SHANK2: variants seen among roughly 807,000 people sequenced by gnomAD.
The protein encoded by SHANK2 is SH3 and multiple ankyrin repeat domains protein 2.
SHANK2 carries 43 observed loss-of-function variants against 133.7 expected under a neutral mutation model. The ratio of observed to expected loss-of-function variants is 0.32; its 90% CI spans 0.25 to 0.41. The LOEUF (loss-of-function observed/expected upper bound fraction) is 0.41. Ranked by LOEUF, SHANK2 falls within the 10% of genes least tolerant of loss-of-function variation. The probability of loss-of-function intolerance (pLI) is 1.00; values close to 1 mark genes in which losing one functional copy is unlikely to be tolerated. For missense variants in SHANK2, 1,994 were observed against 2,235.8 expected (o/e 0.89, Z 2.18); for synonymous variants, 1,017 against 952.8 (o/e 1.07, Z -1.24).
intron 2 of SHANK2, among the ~76,000 whole-genome samples, chr11:71,183,930 G>A (rs976934299): frequency 1.8e-4 from 27 of 152,256 alleles, no homozygotes; most frequent in Middle Eastern, 3.4e-3. Context: ...CTGGTTTCGT[G>A]GCCTCCACAT....
chr11:70,794,018 T>C (rs1947853517), intron 14 of SHANK2, among the ~76,000 whole-genome samples: 1 of 152,212 alleles, frequency 6.6e-6, no homozygotes, highest in Admixed American at 6.5e-5. Flanking sequence ...TGGTGGATCA[T>C]GCCTGTAATC....
At chr11:71,088,791 T>C (rs1236652064) in intron 8 of SHANK2, among the ~76,000 whole-genome samples, 1 of 147,718 alleles carries the variant, frequency 6.8e-6, no homozygotes, top group Non-Finnish European at 1.5e-5. Flanking sequence ...TGTGGGTGAC[T>C]GCACCACCCC....
At chr11:71,089,437 G>A (rs1032186114) in intron 8 of SHANK2, among the ~76,000 whole-genome samples, 7 of 151,562 alleles carry the variant, frequency 4.6e-5, no homozygotes, top group Non-Finnish European at 8.8e-5. Context: ...ATGTACATGC[G>A]TGCGTGCGAG....
At chr11:71,225,550 A>G (rs963876892) in intron 1 of SHANK2, among the ~76,000 whole-genome samples, 6 of 152,256 alleles carry the variant, frequency 3.9e-5, no homozygotes, top group Admixed American at 2.0e-4. Context: ...AAGTTTAACT[A>G]AGACTAAAAG....
intron 17 of SHANK2, among the ~76,000 whole-genome samples, chr11:70,563,496 C>T (rs1333098365): frequency 6.6e-6 from 1 of 150,664 alleles, no homozygotes; most frequent in East Asian, 1.9e-4. Flanking sequence ...TATAGCCATG[C>T]AGCTAAGTCC....
intron 17 of SHANK2, among the ~76,000 whole-genome samples, chr11:70,514,448 T>C (rs1399627695): frequency 1.3e-5 from 2 of 152,238 alleles, no homozygotes; most frequent in Non-Finnish European, 2.9e-5. Flanking sequence ...GGTGAACACC[T>C]GGATACAAAA....
chr11:70,649,088 A>G (rs533987976), intron 17 of SHANK2, among the ~76,000 whole-genome samples: 1 of 152,056 alleles, frequency 6.6e-6, no homozygotes, highest in Admixed American at 6.5e-5. Flanking sequence ...GGCGACGTTC[A>G]TCTCCTCACT....
At chr11:71,245,179 T>G (rs1555124809) in intron 1 of SHANK2, among the ~76,000 whole-genome samples, 2 of 150,924 alleles carry the variant, frequency 1.3e-5, no homozygotes, top group Non-Finnish European at 3.0e-5. Flanking sequence ...GGGGTCTCAT[T>G]ATATTGCCTA....
chr11:70,540,781 AGAGGTTGCAGT>A (rs1554975022), intron 17 of SHANK2, among the ~76,000 whole-genome samples: 1 of 148,704 alleles, frequency 6.7e-6, no homozygotes, highest in Admixed American at 6.8e-5. Context: ...AGGCTGAGGC[AGAGGTTGCAGT>A]GAGCTGAAAT....
At chr11:71,063,872 C>G (rs929126394) in intron 9 of SHANK2, among the ~76,000 whole-genome samples, 3 of 152,190 alleles carry the variant, frequency 2.0e-5, no homozygotes, top group Non-Finnish European at 4.4e-5. Flanking sequence ...CACGAAGGAG[C>G]GTTCCTGGGG....
At chr11:71,100,662 A>G (rs1412750280) in intron 6 of SHANK2, among the ~76,000 whole-genome samples, 1 of 152,118 alleles carries the variant, frequency 6.6e-6, no homozygotes, top group Non-Finnish European at 1.5e-5. Flanking sequence ...AGGTCAGGAG[A>G]TCGAGACCAT....
Position 70,698,708 on chromosome 11 carries a change from A to G in SHANK2, c.1833T>C (p.Tyr611=), listed in dbSNP as rs1555022900. 4.2e-6 allele frequency: 3 copies of G among 718,686 alleles called. No individual in the cohort carries two copies. In the Admixed American group the frequency reaches 6.0e-5, roughly 14 times the overall value. The allele number at this position is 718,686 out of a possible 1,614,324, so 44.5% of individuals were successfully genotyped here. The part of the protein sequence containing the change: ...KLFRHYTVGS[Y]DSFDTSSDCI... ...CTTACCTGGAAGTGTCGAAGCTGTC[A>G]TAGGAGCCCACGGTGTAGTGCCTGA... is the stretch of plus-strand genomic sequence containing the variant. Residue 611 remains tyrosine, a synonymous_variant, in exon 15 of 26, where the codon TAT becomes TAC. Transcript: ENST00000601538.
At chr11:70,776,877 C>T (rs1267149406) in intron 14 of SHANK2, among the ~76,000 whole-genome samples, 1 of 151,700 alleles carries the variant, frequency 6.6e-6, no homozygotes, top group Non-Finnish European at 1.5e-5. Context: ...ATCCACCCAC[C>T]CATCCATCCA....
At chr11:70,884,757 G>A (rs377427129) in intron 11 of SHANK2, among the ~76,000 whole-genome samples, 3 of 152,164 alleles carry the variant, frequency 2.0e-5, no homozygotes, top group African/African-American at 7.2e-5. Context: ...TCTCGTTCTT[G>A]TTGCCCAGGC....
At chr11:71,195,604 T>C (rs1953888638) in intron 2 of SHANK2, among the ~76,000 whole-genome samples, 1 of 152,204 alleles carries the variant, frequency 6.6e-6, no homozygotes, top group Non-Finnish European at 1.5e-5. Context: ...AGTTTTTTCA[T>C]AGAATTTCAG....
chr11:71,128,825 G>A (rs1239717064), intron 3 of SHANK2, among the ~76,000 whole-genome samples: 6 of 152,096 alleles, frequency 3.9e-5, no homozygotes, highest in Non-Finnish European at 7.3e-5. Context: ...TCACTCTTTC[G>A]CCAGGCTGGA....
intron 11 of SHANK2, among the ~76,000 whole-genome samples, chr11:70,887,061 C>T (rs140692513): frequency 6.6e-6 from 1 of 152,228 alleles, no homozygotes; most frequent in East Asian, 1.9e-4. Context: ...CAACAAAGAC[C>T]GTAAAAAATA....
At chr11:70,734,855 C>T (rs1200669130) in intron 14 of SHANK2, among the ~76,000 whole-genome samples, 1 of 152,234 alleles carries the variant, frequency 6.6e-6, no homozygotes, top group Non-Finnish European at 1.5e-5. Context: ...CCTGCCACCA[C>T]CCTCCCCCAG....
At chr11:70,523,832 G>A (rs138601609) in intron 17 of SHANK2, among the ~76,000 whole-genome samples, 21 of 152,232 alleles carry the variant, frequency 1.4e-4, no homozygotes, top group Admixed American at 3.3e-4. Flanking sequence ...AGGCAGAGTC[G>A]GAGAGCTGGG....
Sources: gnomAD v4.1 joint callset for allele counts (sites outside exome capture counted in the v4.1 genomes callset) on GRCh38, gnomAD v4.1.1 for gene constraint, MANE v1.5 for transcripts, NCBI Gene and HGNC (gene_info 2026-07-23, HGNC 2026-07-21) for gene names.